Variants in SEPTIN9 observed in about 807,000 individuals in gnomAD.
SEPTIN9 encodes the protein septin-9.
Under a neutral mutation model 56.6 loss-of-function variants are expected in SEPTIN9, and 13 were observed. The observed-to-expected ratio is 0.23, with a 90% CI of 0.15 to 0.37. The LOEUF is 0.37. Among genes scored for constraint, SEPTIN9 ranks in the 10% least tolerant of loss-of-function variants. The probability of loss-of-function intolerance (pLI) is 1.00; values close to 1 mark genes in which losing one functional copy is unlikely to be tolerated. For synonymous variants in SEPTIN9, 332 were observed against 334.1 expected (o/e 0.99, Z 0.07); for missense variants, 650 against 823.1 (o/e 0.79, Z 2.57).
chr17:77,482,862 T>C (rs2039516087), intron 4 of SEPTIN9: 1 of 397,596 alleles, frequency 2.5e-6, no homozygotes, highest in East Asian at 4.5e-5. Context: ...CTGGGCAGGG[T>C]GAGGGGGCCA....
intron 10 of SEPTIN9, among the ~76,000 whole-genome samples, chr17:77,496,786 G>A (rs1448748015): frequency 6.6e-6 from 1 of 152,232 alleles, no homozygotes; most frequent in Non-Finnish European, 1.5e-5. Flanking sequence ...GTGTGTCCCT[G>A]TGTGTGTGTG....
chr17:77,343,935 A>G (rs1456499863), intron 2 of SEPTIN9, among the ~76,000 whole-genome samples: 1 of 152,204 alleles, frequency 6.6e-6, no homozygotes, highest in East Asian at 1.9e-4. Flanking sequence ...TTTAGAAGAA[A>G]ACATAGGAGG....
At chr17:77,431,176 G>C (rs2144281063) in intron 3 of SEPTIN9, among the ~76,000 whole-genome samples, 2 of 152,236 alleles carry the variant, frequency 1.3e-5, no homozygotes, top group South Asian at 4.1e-4. Context: ...AGGGGTAGTG[G>C]CGCTTGCCTG....
intron 2 of SEPTIN9, among the ~76,000 whole-genome samples, chr17:77,379,707 C>T (rs994322062): frequency 2.6e-5 from 4 of 152,212 alleles, no homozygotes; most frequent in Admixed American, 2.6e-4. Context: ...CGTCCATCAT[C>T]GTGCCGGGGA....
intron 2 of SEPTIN9, among the ~76,000 whole-genome samples, chr17:77,345,163 G>T (rs2033852313): frequency 6.6e-6 from 1 of 152,058 alleles, no homozygotes; most frequent in South Asian, 2.1e-4. Flanking sequence ...GAGGCTGGGG[G>T]AAGGGAGAAT....
At chr17:77,482,079 C>T in intron 3 of SEPTIN9, 65 bp from the exon 4 acceptor site, 7 of 1,455,928 alleles carry the variant, frequency 4.8e-6, no homozygotes, top group African/African-American at 1.4e-5. Flanking sequence ...GTGTGACAAC[C>T]ACCTGGCAGG....
intron 3 of SEPTIN9, among the ~76,000 whole-genome samples, chr17:77,439,238 G>A (rs747330537): frequency 2.3e-4 from 35 of 152,230 alleles, no homozygotes; most frequent in South Asian, 6.2e-4. Flanking sequence ...AGTGGACCCC[G>A]AGCAACAGCA....
intron 3 of SEPTIN9, among the ~76,000 whole-genome samples, chr17:77,404,861 A>G (rs2036012196): frequency 6.6e-6 from 1 of 152,100 alleles, no homozygotes; most frequent in Non-Finnish European, 1.5e-5. Context: ...ACCCTGCCCC[A>G]GCCACCCAGA....
At position 77,433,395 on chromosome 17, in the gene SEPTIN9, A is replaced by AC. The variant is rs112639124; in HGVS notation, c.721+30700dup. ...GGTCAGGGTGGGGCTGGGTGCGAGG[A>AC]CCCCCCCCGGCCAACAGGGTCTGCT... is the stretch of plus-strand genomic sequence containing the variant. On this transcript the variant is annotated intron_variant, in intron 3 of 11. Transcript: ENST00000427177. The surrounding 1 kb of genome is among the most constrained non-coding windows in gnomAD (Gnocchi z 6.4). Among the ~76,000 whole-genome samples the AC allele has an allele frequency of 0.078, 11,664 of 148,838 alleles. 1,215 individuals are homozygous for AC. The highest frequency in any genetic ancestry group is 0.24 in the African/African-American group (9,652 of 40,476).
At chr17:77,385,245 C>T (rs973683327) in intron 2 of SEPTIN9, among the ~76,000 whole-genome samples, 8 of 150,850 alleles carry the variant, frequency 5.3e-5, no homozygotes, top group African/African-American at 2.0e-4. Flanking sequence ...TCACTGCAAC[C>T]TCTGCCTCCC....
At chr17:77,311,477 A>T (rs973665396) in intron 2 of SEPTIN9, among the ~76,000 whole-genome samples, 5 of 152,124 alleles carry the variant, frequency 3.3e-5, no homozygotes, top group Non-Finnish European at 5.9e-5. Flanking sequence ...CTGCACAAGT[A>T]GGTGTGAAAA....
In SEPTIN9 at chr17:77,492,967, G is replaced by A. The variant is rs1397524580; in HGVS notation, c.1477-13G>A. On this transcript the variant is annotated splice_polypyrimidine_tract_variant and intron_variant, in intron 9 of 11. Coordinates refer to ENST00000427177, the MANE Select transcript of SEPTIN9 (RefSeq NM_001113491.2). The surrounding 1 kb of genome is among the most constrained non-coding windows in gnomAD (Gnocchi z 5.4). Reference sequence around the variant, plus strand: ...CGCACATGTGTAACCAATACCGTCTGCCCGTTCCCCAGGAGATGATCCCAT... The same window carrying A: ...CGCACATGTGTAACCAATACCGTCTACCCGTTCCCCAGGAGATGATCCCAT... The A allele has an allele frequency of 6.4e-7, 1 of 1,558,646 alleles. No individual in the cohort carries two copies. Among genetic ancestry groups the A allele is most frequent in the Non-Finnish European group, 8.7e-7 (1 of 1,150,958 alleles).
chr17:77,287,856 G>A (rs2031347653), intron 1 of SEPTIN9: 1 of 1,021,330 alleles, frequency 9.8e-7, no homozygotes, highest in Admixed American at 5.8e-5. Context: ...AACAGGAGTG[G>A]CGCAGGGAAT....
intron 3 of SEPTIN9, among the ~76,000 whole-genome samples, chr17:77,404,552 T>A (rs1244607389): frequency 6.6e-6 from 1 of 152,010 alleles, no homozygotes; most frequent in East Asian, 1.9e-4. Flanking sequence ...CCCTTTTTGG[T>A]TTTTCTTTTT....
At position 77,361,080 on chromosome 17, in the gene SEPTIN9, C is replaced by T. The variant is rs139362927; in HGVS notation, c.77-40979C>T. Among the ~76,000 whole-genome samples the T allele has an allele frequency of 5.7e-3, 860 of 152,082 alleles. 6 individuals are homozygous for T. Among genetic ancestry groups the T allele is most frequent in the African/African-American group, 0.02 (810 of 41,468 alleles). On this transcript the variant is annotated intron_variant, in intron 2 of 11. Coordinates refer to ENST00000427177, the MANE Select transcript of SEPTIN9 (RefSeq NM_001113491.2). Reference sequence around the variant, plus strand: ...CTGGGATTACAGGTGCCCACCACCACGTCCAGCTAAATTTTGTATTTTTAG... The same window carrying T: ...CTGGGATTACAGGTGCCCACCACCATGTCCAGCTAAATTTTGTATTTTTAG...
At chr17:77,412,501 C>G (rs2036339768) in intron 3 of SEPTIN9, among the ~76,000 whole-genome samples, 1 of 152,176 alleles carries the variant, frequency 6.6e-6, no homozygotes, top group Non-Finnish European at 1.5e-5. Context: ...CTTTGGGAGG[C>G]TGAAGTGGGC....
At chr17:77,447,650 A>C (rs1234164385) in intron 3 of SEPTIN9, among the ~76,000 whole-genome samples, 1 of 152,244 alleles carries the variant, frequency 6.6e-6, no homozygotes, top group Non-Finnish European at 1.5e-5. Context: ...TTTGAGACGA[A>C]GTCTCGCTCT....
intron 1 of SEPTIN9, among the ~76,000 whole-genome samples, chr17:77,304,134 G>A (rs1416952085): frequency 6.6e-6 from 1 of 152,198 alleles, no homozygotes; most frequent in East Asian, 1.9e-4. Context: ...TGAATAATTA[G>A]GTCCAAGGAG....
chr17:77,459,368 T>A (rs1012796187), intron 3 of SEPTIN9, among the ~76,000 whole-genome samples: 1 of 152,150 alleles, frequency 6.6e-6, no homozygotes, highest in Non-Finnish European at 1.5e-5. Context: ...CCAGCAGTGC[T>A]TTTTGGGCAT....
Sources: gnomAD v4.1 joint callset for allele counts (sites outside exome capture counted in the v4.1 genomes callset) on GRCh38, gnomAD v4.1.1 for gene constraint, Gnocchi (gnomAD v3.1) non-coding constraint, MANE v1.5 for transcripts, NCBI Gene and HGNC (gene_info 2026-07-23, HGNC 2026-07-21) for gene names.